Variants in CFAP20DC observed in about 807,000 individuals in gnomAD.
The protein encoded by CFAP20DC is CFAP20 domain containing, also known as protein CFAP20DC.
Under a neutral mutation model 101.7 loss-of-function variants are expected in CFAP20DC, and 84 were observed. The ratio of observed to expected loss-of-function variants is 0.83; its 90% CI spans 0.69 to 0.99. The LOEUF is 0.99. Ranked by LOEUF, CFAP20DC falls within the 50% of genes least tolerant of loss-of-function variation. The pLI is 0.00. For synonymous variants in CFAP20DC, 359 were observed against 351.2 expected, an observed-to-expected ratio of 1.02 and a Z score of -0.25; for missense variants, 1,007 against 970.3, an observed-to-expected ratio of 1.04 and a Z score of -0.50.
chr3:59,012,261 A>G (rs927378182), intron 4 of CFAP20DC, among the ~76,000 whole-genome samples: 1 of 152,238 alleles, frequency 6.6e-6, no homozygotes, highest in Non-Finnish European at 1.5e-5. Context: ...GGAGATGAAA[A>G]AAAGGGTACA....
rs1341890090 is a variant in CFAP20DC, at chr3:59,007,073, A to G, written c.278+32484T>C. On this transcript the variant is annotated intron_variant, in intron 4 of 16. Coordinates refer to ENST00000482387, the MANE Select transcript of CFAP20DC (RefSeq NM_001394063.1). This position sits in a 1 kb window ranked among gnomAD's most constrained non-coding sequence, Gnocchi z 4.4. Reference sequence around the variant, plus strand: ...GTGAGGCCTTTTGCTACTGGATGTCACCCACTTCCCTGGCAAACTATACTG... The same window carrying G: ...GTGAGGCCTTTTGCTACTGGATGTCGCCCACTTCCCTGGCAAACTATACTG... Among the ~76,000 whole-genome samples, 2 of 152,010 alleles carry G rather than the reference A, an allele frequency of 1.3e-5. No homozygotes were observed. Among genetic ancestry groups the G allele is most frequent in the African/African-American group, 2.4e-5 (1 of 41,368 alleles).
chr3:58,815,662 G>C (rs1344407660), intron 14 of CFAP20DC, among the ~76,000 whole-genome samples: 70 of 150,532 alleles, frequency 4.7e-4, no homozygotes, highest in Non-Finnish European at 9.2e-4. Context: ...AAATTTACAA[G>C]AAAAAAAACA....
At chr3:58,779,525 G>C (rs1190413716) in intron 15 of CFAP20DC, among the ~76,000 whole-genome samples, 1 of 151,994 alleles carries the variant, frequency 6.6e-6, no homozygotes, top group Non-Finnish European at 1.5e-5. Context: ...AATATTAGTA[G>C]ATAGAAAATT....
intron 4 of CFAP20DC, among the ~76,000 whole-genome samples, chr3:59,009,601 T>C (rs1299817595): frequency 2.0e-5 from 3 of 152,062 alleles, no homozygotes; most frequent in African/African-American, 7.2e-5. Flanking sequence ...GAAGAACAAT[T>C]GGTGTTCCCG....
At chr3:58,959,797 G>A (rs2090975880) in intron 4 of CFAP20DC, among the ~76,000 whole-genome samples, 1 of 152,132 alleles carries the variant, frequency 6.6e-6, no homozygotes, top group South Asian at 2.1e-4. Context: ...AACAACAAGT[G>A]CTCACTGGGA....
At chr3:58,945,197 T>C (rs922883237) in intron 4 of CFAP20DC, among the ~76,000 whole-genome samples, 3 of 152,122 alleles carry the variant, frequency 2.0e-5, no homozygotes, top group Non-Finnish European at 4.4e-5. Context: ...TTCAGCAGAG[T>C]GCAGATTTAA....
intron 4 of CFAP20DC, among the ~76,000 whole-genome samples, chr3:59,003,711 A>G (rs750271923): frequency 6.6e-6 from 1 of 152,230 alleles, no homozygotes; most frequent in Non-Finnish European, 1.5e-5. Flanking sequence ...ATGCCTGATA[A>G]TGGTAAAAGT....
chr3:58,763,790 T>C (rs1049240916), intron 15 of CFAP20DC, among the ~76,000 whole-genome samples: 3 of 152,214 alleles, frequency 2.0e-5, no homozygotes, highest in Admixed American at 2.0e-4. Flanking sequence ...TGTTGGAGTT[T>C]GCTGGAGGTG....
rs1255800671 is a variant in CFAP20DC at position 58,912,713 on chromosome 3, T to C, written c.550+995A>G. The C allele has an allele frequency of 2.2e-6, 1 of 456,346 alleles. No homozygotes were observed. Among genetic ancestry groups the C allele is most frequent in the Non-Finnish European group, 4.4e-6 (1 of 226,864 alleles). The allele number at this position is 456,346 out of a possible 1,614,324, so 28.3% of individuals were successfully genotyped here. ...AAACCATCTGAGCAGTATGGTGTGC[T>C]ACCTTATGAATTCCAGGGAGCTGAG... is the stretch of plus-strand genomic sequence containing the variant. On this transcript the variant is annotated intron_variant, in intron 6 of 16. Transcript: ENST00000482387. The surrounding 1 kb of genome is among the most constrained non-coding windows in gnomAD (Gnocchi z 4.4).
chr3:58,923,690 A>T (rs2085640328), intron 5 of CFAP20DC, among the ~76,000 whole-genome samples: 1 of 152,140 alleles, frequency 6.6e-6, no homozygotes, highest in African/African-American at 2.4e-5. Flanking sequence ...CAACTTGATT[A>T]TGATATACTA....
Position 58,794,049 on chromosome 3 carries a change from A to G in CFAP20DC, c.2237+12346T>C, listed in dbSNP as rs2073052908. On this transcript the variant is annotated intron_variant, in intron 15 of 16. Transcript: ENST00000482387. ...TAACTCACTTACTTTCATCATAAATAAGCGATAACAAAGTACATTATCTAC... is the reference window on the plus strand; with the variant it reads ...TAACTCACTTACTTTCATCATAAATGAGCGATAACAAAGTACATTATCTAC... 1.6e-5 allele frequency: 3 copies of G among 190,952 alleles called. No individual in the cohort carries two copies. The South Asian group carries it at 2.8e-4, about 18-fold the overall frequency. The allele number at this position is 190,952 out of a possible 1,614,324, so 11.8% of individuals were successfully genotyped here. A position where few individuals can be genotyped will look rare whatever the true frequency, so the allele number is the denominator to read the frequency against.
At chr3:58,749,427 G>T (rs1456838728) in intron 16 of CFAP20DC, among the ~76,000 whole-genome samples, 1 of 152,130 alleles carries the variant, frequency 6.6e-6, no homozygotes, top group Non-Finnish European at 1.5e-5. Context: ...AATACAGGAG[G>T]ATTCCTTCTT....
chr3:58,754,908 T>C (rs1452379550), intron 15 of CFAP20DC, among the ~76,000 whole-genome samples: 1 of 152,116 alleles, frequency 6.6e-6, no homozygotes, highest in Non-Finnish European at 1.5e-5. Context: ...AGAAAAACAT[T>C]TGGTGTGAAT....
rs953651532 is a variant in CFAP20DC at position 58,807,071 on chromosome 3, C to T, written c.2176-615G>A. Among the ~76,000 whole-genome samples, 20 of 152,288 alleles carry T rather than the reference C, an allele frequency of 1.3e-4. No homozygotes were observed. The East Asian group carries it at 1.4e-3, about 10-fold the overall frequency. On this transcript the variant is annotated intron_variant, in intron 14 of 16. Coordinates refer to ENST00000482387, the MANE Select transcript of CFAP20DC (RefSeq NM_001394063.1). ...AGGTAAACAAAGCAGCCAGGAAGCTCGACCTGGGTGGAGCCCACCACAACT... is the reference window on the plus strand; with the variant it reads ...AGGTAAACAAAGCAGCCAGGAAGCTTGACCTGGGTGGAGCCCACCACAACT...
chr3:58,961,101 C>T (rs991834386), intron 4 of CFAP20DC, among the ~76,000 whole-genome samples: 5 of 152,076 alleles, frequency 3.3e-5, no homozygotes, highest in Non-Finnish European at 5.9e-5. Flanking sequence ...CCCACTTGGC[C>T]GTGGTATATA....
chr3:58,746,337 C>T (rs2068204387), intron 16 of CFAP20DC, among the ~76,000 whole-genome samples: 1 of 152,178 alleles, frequency 6.6e-6, no homozygotes, highest in Admixed American at 6.5e-5. Flanking sequence ...TCCATCAGCA[C>T]ATCATGGGGA....
At chr3:58,807,716 ATGACTT>A (rs1269830566) in intron 14 of CFAP20DC, among the ~76,000 whole-genome samples, 22 of 152,272 alleles carry the variant, frequency 1.4e-4, no homozygotes, top group African/African-American at 5.1e-4. Flanking sequence ...TGGATGGAGA[ATGACTT>A]TGACGAGTTG....
chr3:59,016,665 T>G (rs145262444), intron 4 of CFAP20DC, among the ~76,000 whole-genome samples: 119 of 152,252 alleles, frequency 7.8e-4, no homozygotes, highest in Middle Eastern at 3.4e-3. Flanking sequence ...CAATTGTTAC[T>G]TGTTAACTAA....
At chr3:58,842,918 G>A (rs1435461928) in intron 13 of CFAP20DC, among the ~76,000 whole-genome samples, 2 of 152,144 alleles carry the variant, frequency 1.3e-5, no homozygotes, top group East Asian at 1.9e-4. Context: ...CACCTCACAC[G>A]GCAGCGTATT....
Sources: gnomAD v4.1 joint callset for allele counts (sites outside exome capture counted in the v4.1 genomes callset) on GRCh38, gnomAD v4.1.1 for gene constraint, Gnocchi (gnomAD v3.1) non-coding constraint, MANE v1.5 for transcripts, NCBI Gene and HGNC (gene_info 2026-07-23, HGNC 2026-07-21) for gene names.